The following JHY variants were observed in gnomAD, a reference collection of about 807,000 sequenced individuals.
JHY encodes junctional cadherin complex regulator, also known as jhy protein homolog.
Under a neutral mutation model 78.0 loss-of-function variants are expected in JHY, and 69 were observed. That is an observed-to-expected ratio of 0.88 (90% CI 0.73 to 1.08). The LOEUF (loss-of-function observed/expected upper bound fraction) is 1.08, where lower values mean the gene tolerates loss of function less well. Among genes scored for constraint, JHY ranks in the 50% least tolerant of loss-of-function variants. JHY has a pLI of 0.00. For synonymous variants in JHY, 368 were observed against 342.6 expected, an observed-to-expected ratio of 1.07 and a Z score of -0.82; for missense variants, 944 against 927.8, an observed-to-expected ratio of 1.02 and a Z score of -0.23.
At chr11:122,933,706 C>T (rs1468854329) in intron 4 of JHY, among the ~76,000 whole-genome samples, 2 of 152,162 alleles carry the variant, frequency 1.3e-5, no homozygotes, top group African/African-American at 2.4e-5. Flanking sequence ...TTTGTTTCAT[C>T]TGGTGAAGAG....
intron 3 of JHY, 130 bp downstream of exon 3, chr11:122,904,574 G>A: frequency 2.1e-6 from 2 of 972,218 alleles, no homozygotes; most frequent in Non-Finnish European, 3.1e-6. Context: ...TAAAACAAAC[G>A]CTTCCATAGG....
rs1862438770 is a variant in JHY, at chr11:122,883,905, T to C, written c.-90+933T>C. Reference sequence around the variant, plus strand: ...GAATTATTTTAAGAGTAATTCTAAGTTGCACTATAACGCTTAAGCTTGCTC... The same window carrying C: ...GAATTATTTTAAGAGTAATTCTAAGCTGCACTATAACGCTTAAGCTTGCTC... On this transcript the variant is annotated intron_variant, in intron 1 of 8. Coordinates refer to ENST00000227349, the MANE Select transcript of JHY (RefSeq NM_024806.4). The surrounding 1 kb of genome is among the most constrained non-coding windows in gnomAD (Gnocchi z 4.4). Among the ~76,000 whole-genome samples, 1 of 152,230 alleles carries C rather than the reference T, an allele frequency of 6.6e-6. No individual in the cohort carries two copies. The highest frequency in any genetic ancestry group is 2.4e-5 in the African/African-American group (1 of 41,472).
rs1030245221 is a variant in JHY at position 122,963,475 on chromosome 11, C to A, written c.*4030C>A. 6.6e-6 allele frequency among the ~76,000 whole-genome samples: 1 copy of A among 152,114 alleles called. No individual in the cohort carries two copies. The highest frequency in any genetic ancestry group is 2.4e-5 in the African/African-American group (1 of 41,416). On this transcript the variant is annotated 3_prime_UTR_variant, in exon 9 of 9. Transcript: ENST00000227349. ...GAAATCAAAGAATGGATCAAAGTGG[C>A]CCTTCATTTGGCTCCACGTCATCTC...
rs535896057 is a variant in JHY at position 122,927,816 on chromosome 11, C to T, written c.978+2806C>T. On this transcript the variant is annotated intron_variant, in intron 4 of 8. Coordinates refer to ENST00000227349, the MANE Select transcript of JHY (RefSeq NM_024806.4). ...TAGGATCTTGGCTCACTGTAACCTC[C>T]GCCTCCTGGGTTCAAGCGATTCTCC... is the stretch of plus-strand genomic sequence containing the variant. Among the ~76,000 whole-genome samples the T allele has an allele frequency of 5.3e-5, 8 of 151,510 alleles. No individual in the cohort carries two copies. In the South Asian group the frequency reaches 6.3e-4, roughly 12 times the overall value.
intron 6 of JHY, among the ~76,000 whole-genome samples, chr11:122,948,374 C>T (rs1864009314): frequency 1.3e-5 from 2 of 151,124 alleles, no homozygotes; most frequent in East Asian, 2.0e-4. Context: ...ACCTGGGAGA[C>T]GGAGGTTGCA....
intron 5 of JHY, among the ~76,000 whole-genome samples, chr11:122,936,319 G>A (rs1863755322): frequency 6.6e-6 from 1 of 152,020 alleles, no homozygotes; most frequent in Non-Finnish European, 1.5e-5. Flanking sequence ...CTCGTGAGTT[G>A]ATCAAAGAAC....
Position 122,946,497 on chromosome 11 carries a change from G to C in JHY, c.1635-1G>C. 6.4e-7 allele frequency: 1 copy of C among 1,556,600 alleles called. No homozygotes were observed. Among genetic ancestry groups the C allele is most frequent in the East Asian group, 2.3e-5 (1 of 43,906 alleles). ...TTTGTGCCTTTTTTTTTTTCATTAA[G>C]GAAATTCCATTCTTCTTCTGACAGC... On this transcript the variant is annotated splice_acceptor_variant, in intron 5 of 8. Transcript: ENST00000227349. LOFTEE classifies it high-confidence loss of function.
chr11:122,958,656 ATATT>A, intron 8 of JHY: 6 of 877,690 alleles, frequency 6.8e-6, no homozygotes, highest in Non-Finnish European at 8.2e-6. Flanking sequence ...TTTAGGAATC[ATATT>A]TAGTGATCTC....
At chr11:122,938,428 G>A (rs1863802716) in intron 5 of JHY, among the ~76,000 whole-genome samples, 1 of 151,890 alleles carries the variant, frequency 6.6e-6, no homozygotes, top group African/African-American at 2.4e-5. Context: ...TCTGTTATTG[G>A]TTTCTGAATG....
rs755031472 is a variant in JHY at position 122,885,829 on chromosome 11, T to C, written c.-21T>C. The C allele has an allele frequency of 5.1e-6, 8 of 1,567,874 alleles. No homozygotes were observed. Among genetic ancestry groups the C allele is most frequent in the Admixed American group, 1.7e-5 (1 of 57,822 alleles). ...TCCTATCAACACGAGTATCCCCTGT[T>C]AATTTTTTGCATTTTTCAAGATGAG... On this transcript the variant is annotated 5_prime_UTR_variant, in exon 2 of 9. Coordinates refer to ENST00000227349, the MANE Select transcript of JHY (RefSeq NM_024806.4).
intron 3 of JHY, among the ~76,000 whole-genome samples, chr11:122,906,969 A>AT (rs1007547546): frequency 6.6e-6 from 1 of 151,934 alleles, no homozygotes; most frequent in Non-Finnish European, 1.5e-5. Context: ...TGCTCCTATT[A>AT]TTTTTTTAAG....
chr11:122,939,953 C>A, intron 5 of JHY, among the ~76,000 whole-genome samples: 1 of 127,452 alleles, frequency 7.8e-6, no homozygotes. Flanking sequence ...CTCCAAAAAG[C>A]CTTTTACAGC....
chr11:122,951,526 T>C (rs1326674498), intron 6 of JHY, among the ~76,000 whole-genome samples: 2 of 152,232 alleles, frequency 1.3e-5, no homozygotes, highest in Non-Finnish European at 2.9e-5. Context: ...CATTGTTTTT[T>C]GTCGTGTTTT....
rs534226514 is a variant in JHY, at chr11:122,935,454, C to T, written c.1634+379C>T. ...TTCAGCATGTTGGCCAGGCTGGTCT[C>T]GAACTCCTGACCTCAAGTAATCCAC... On this transcript the variant is annotated intron_variant, in intron 5 of 8. Coordinates refer to ENST00000227349, the MANE Select transcript of JHY (RefSeq NM_024806.4). This position sits in a 1 kb window ranked among gnomAD's most constrained non-coding sequence, Gnocchi z 4.5. Among the ~76,000 whole-genome samples the T allele has an allele frequency of 3.3e-5, 5 of 152,222 alleles. No homozygotes were observed. The highest frequency in any genetic ancestry group is 2.1e-4 in the South Asian group (1 of 4,822).
At chr11:122,949,165 T>C (rs1864033083) in intron 6 of JHY, among the ~76,000 whole-genome samples, 1 of 151,648 alleles carries the variant, frequency 6.6e-6, no homozygotes, top group East Asian at 1.9e-4. Context: ...ACATGGTGCA[T>C]GCTGGGGATG....
At chr11:122,926,912 T>C (rs985085810) in intron 4 of JHY, 1 of 152,268 alleles carries the variant, frequency 6.6e-6, no homozygotes, top group Non-Finnish European at 1.5e-5. Flanking sequence ...TTTCTAGTTA[T>C]TTAAATTATT....
chr11:122,919,536 C>T (rs939442314), intron 3 of JHY, among the ~76,000 whole-genome samples: 1 of 152,006 alleles, frequency 6.6e-6, no homozygotes, highest in African/African-American at 2.4e-5. Context: ...TAGACAGGAA[C>T]CCGAGGCCAC....
intron 4 of JHY, among the ~76,000 whole-genome samples, chr11:122,933,268 A>G (rs1005976147): frequency 6.6e-6 from 1 of 152,226 alleles, no homozygotes; most frequent in African/African-American, 2.4e-5. Flanking sequence ...TTAATGTTTT[A>G]TAGATAAAAG....
At chr11:122,921,036 A>C (rs1306326233) in intron 3 of JHY, among the ~76,000 whole-genome samples, 1 of 95,896 alleles carries the variant, frequency 1.0e-5, no homozygotes, top group Non-Finnish European at 2.2e-5. Flanking sequence ...AATGGTTCAC[A>C]AAAAAAAAAA....
Sources: allele counts gnomAD v4.1 joint callset (sites outside exome capture counted in the v4.1 genomes callset), GRCh38; gene constraint gnomAD v4.1.1; non-coding constraint Gnocchi (gnomAD v3.1); transcripts MANE v1.5; gene names NCBI Gene and HGNC (gene_info 2026-07-23, HGNC 2026-07-21).